The following MYO5A variants were observed in gnomAD, a reference collection of about 807,000 sequenced individuals.
The protein encoded by MYO5A is myosin VA.
Under a neutral mutation model 249.7 loss-of-function variants are expected in MYO5A, and 98 were observed. That is an observed-to-expected ratio of 0.39 (90% CI 0.33 to 0.46). The LOEUF is 0.46. Among genes scored for constraint, MYO5A ranks in the 20% least tolerant of loss-of-function variants. The pLI, the probability that MYO5A is intolerant of heterozygous loss-of-function variation, is 0.98. For synonymous variants in MYO5A, 778 were observed against 810.6 expected (o/e 0.96, Z 0.68); for missense variants, 1,696 against 2,308.8 (o/e 0.73, Z 5.44).
intron 4 of MYO5A, among the ~76,000 whole-genome samples, chr15:52,416,626 A>G (rs996397893): frequency 1.3e-5 from 2 of 152,128 alleles, no homozygotes; most frequent in African/African-American, 4.8e-5. Context: ...TAAACATTTC[A>G]TGGGGTGTGG....
rs1917972 is a variant in MYO5A at position 52,433,390 on chromosome 15, A to C, written c.28-105T>G. ...TAATTAAACAATTTATGAAAAAAGA[A>C]ATCTTGGCCAACATGAAATTCACTT... On this transcript the variant is annotated intron_variant, in intron 1 of 41. Transcript: ENST00000399233. 63,695 of 608,468 alleles carry C rather than the reference A, an allele frequency of 0.1. 4,794 individuals carry two copies. Among genetic ancestry groups the C allele is most frequent in the South Asian group, 0.15 (8,286 of 53,822 alleles). The allele number at this position is 608,468 out of a possible 1,614,324, so 37.7% of individuals were successfully genotyped here.
At chr15:52,349,650 A>C (rs2039839762) in intron 28 of MYO5A, among the ~76,000 whole-genome samples, 1 of 152,122 alleles carries the variant, frequency 6.6e-6, no homozygotes, top group Admixed American at 6.6e-5. Context: ...ATTTCTTGTG[A>C]GATTACCACA....
intron 1 of MYO5A, among the ~76,000 whole-genome samples, chr15:52,527,848 A>G (rs2077754458): frequency 6.6e-6 from 1 of 152,242 alleles, no homozygotes; most frequent in Non-Finnish European, 1.5e-5. Context: ...GCTAATGTGA[A>G]AAGGCAACTC....
At chr15:52,382,993 T>C in intron 16 of MYO5A, 98 bp downstream of exon 16, 2 of 1,052,422 alleles carry the variant, frequency 1.9e-6, no homozygotes, top group Non-Finnish European at 3.0e-6. Context: ...AATATTTTTT[T>C]CCTTATAAAA....
At chr15:52,463,690 T>G (rs2141422772) in intron 1 of MYO5A, among the ~76,000 whole-genome samples, 1 of 152,346 alleles carries the variant, frequency 6.6e-6, no homozygotes, top group South Asian at 2.1e-4. Flanking sequence ...TCAAAAGCAC[T>G]TCCTTTTATT....
intron 30 of MYO5A, among the ~76,000 whole-genome samples, chr15:52,345,324 G>A (rs566373933): frequency 2.6e-5 from 4 of 152,292 alleles, no homozygotes; most frequent in Middle Eastern, 3.4e-3. Context: ...GCTCATGCCT[G>A]TAATCCTAGC....
At chr15:52,431,411 C>T (rs2075533480) in intron 2 of MYO5A, among the ~76,000 whole-genome samples, 1 of 151,670 alleles carries the variant, frequency 6.6e-6, no homozygotes, top group Admixed American at 6.6e-5. Context: ...CACATACATA[C>T]ATATGTAAAC....
rs145765339 is a variant in MYO5A, at chr15:52,448,957, C to CTTTTTTTTTT, written c.28-15682_28-15673dup. ...TTTTTTTTTTTCTTTTCTTGTCTTTCTTTTTTTTTTTTTTTTTTTTTTTTT... is the reference window on the plus strand; with the variant it reads ...TTTTTTTTTTTCTTTTCTTGTCTTTCTTTTTTTTTTTTTTTTTTTTTTTTTTTTTTTTTTT... On this transcript the variant is annotated intron_variant, in intron 1 of 41. Coordinates refer to ENST00000399233, the MANE Select transcript of MYO5A (RefSeq NM_001382347.1). Among the ~76,000 whole-genome samples the CTTTTTTTTTT allele has an allele frequency of 2.3e-3, 126 of 55,606 alleles. 9 individuals are homozygous for CTTTTTTTTTT. Among genetic ancestry groups the CTTTTTTTTTT allele is most frequent in the African/African-American group, 5.5e-3 (65 of 11,802 alleles). The allele number at this position is 55,606 out of a possible 152,430, so 36.5% of individuals were successfully genotyped here. A position where few individuals can be genotyped will look rare whatever the true frequency, so the allele number is the denominator to read the frequency against.
chr15:52,452,002 A>C (rs8038271), intron 1 of MYO5A, among the ~76,000 whole-genome samples: 5,104 of 152,292 alleles, frequency 0.034, 303 homozygotes, highest in African/African-American at 0.12. Flanking sequence ...ATTTCATTAA[A>C]TCTAAGAGAC....
At chr15:52,363,976 T>C (rs1014128693) in intron 24 of MYO5A, among the ~76,000 whole-genome samples, 4 of 152,216 alleles carry the variant, frequency 2.6e-5, no homozygotes, top group African/African-American at 9.6e-5. Flanking sequence ...CAATGGCTCA[T>C]GCCTGTAATC....
intron 30 of MYO5A, 141 bp downstream of exon 30, chr15:52,346,220 G>T: frequency 1.5e-6 from 1 of 650,028 alleles, no homozygotes; most frequent in Non-Finnish European, 2.7e-6. Flanking sequence ...GAAATACACT[G>T]GAAACCTTGG....
chr15:52,430,418 C>G (rs1480068682), intron 2 of MYO5A, among the ~76,000 whole-genome samples: 1 of 152,210 alleles, frequency 6.6e-6, no homozygotes, highest in East Asian at 1.9e-4. Flanking sequence ...AACATCTTCA[C>G]AGAAATTTCC....
Position 52,428,441 on chromosome 15 carries a change from G to A in MYO5A, c.267C>T (p.Leu89=), listed in dbSNP as rs2075445714. 10 of 1,614,198 alleles carry A rather than the reference G, an allele frequency of 6.2e-6. No homozygotes were observed. The highest frequency in any genetic ancestry group is 8.5e-6 in the Non-Finnish European group (10 of 1,180,020). The change falls in exon 3 of 42, where the codon CTC becomes CTT. Residue 89 remains leucine (L), a synonymous_variant. Coordinates refer to ENST00000399233, the MANE Select transcript of MYO5A (RefSeq NM_001382347.1). ...GTTTGGAATCAATAAAGCGGACTCTGAGATTATGGAGCACAGCAGGCTCAT... is the reference window on the plus strand; with the variant it reads ...GTTTGGAATCAATAAAGCGGACTCTAAGATTATGGAGCACAGCAGGCTCAT... ...YLHEPAVLHN[L]RVRFIDSKLI... is the part of the protein sequence containing the mutation.
chr15:52,323,730 G>A (rs747123309), intron 36 of MYO5A: 18 of 361,796 alleles, frequency 5.0e-5, no homozygotes, highest in South Asian at 1.3e-4. Flanking sequence ...CCGGCTGGGC[G>A]CGGTGGCTCA....
chr15:52,486,055 C>A (rs564274645), intron 1 of MYO5A, among the ~76,000 whole-genome samples: 24 of 152,280 alleles, frequency 1.6e-4, no homozygotes, highest in African/African-American at 5.8e-4. Flanking sequence ...CTGTTTAAAT[C>A]ACATTCCTCT....
At chr15:52,434,599 C>T (rs1332329855) in intron 1 of MYO5A, among the ~76,000 whole-genome samples, 1 of 152,124 alleles carries the variant, frequency 6.6e-6, no homozygotes, top group Non-Finnish European at 1.5e-5. Flanking sequence ...TTTGCCTCAA[C>T]TAGATACTCC....
intron 32 of MYO5A, among the ~76,000 whole-genome samples, chr15:52,339,546 A>G (rs1033402363): frequency 1.3e-5 from 2 of 152,078 alleles, no homozygotes; most frequent in Middle Eastern, 3.4e-3. Flanking sequence ...GAACAAGGCA[A>G]AAAAAAGAAA....
At chr15:52,454,664 G>A (rs1669867) in intron 1 of MYO5A, among the ~76,000 whole-genome samples, 70,531 of 151,868 alleles carry the variant, frequency 0.46, 18,148 homozygotes, top group East Asian at 0.85. Context: ...TCTGACTACA[G>A]TGGAACCCTG....
At chr15:52,444,973 G>A (rs1488054922) in intron 1 of MYO5A, among the ~76,000 whole-genome samples, 3 of 152,168 alleles carry the variant, frequency 2.0e-5, no homozygotes, top group Non-Finnish European at 1.5e-5. Flanking sequence ...TAATAGACAG[G>A]TGCCGGTATG....
Sources: allele counts gnomAD v4.1 joint callset (sites outside exome capture counted in the v4.1 genomes callset), GRCh38; gene constraint gnomAD v4.1.1; transcripts MANE v1.5; gene names NCBI Gene and HGNC (gene_info 2026-07-23, HGNC 2026-07-21).